The following F5 variants were observed in gnomAD, a reference collection of about 807,000 sequenced individuals.
F5 encodes coagulation factor V, also known as activated protein c cofactor.
F5 carries 138 observed loss-of-function variants against 216.4 expected under a neutral mutation model. The observed-to-expected ratio is 0.64, with a 90% confidence interval of 0.56 to 0.73. The LOEUF (loss-of-function observed/expected upper bound fraction) is 0.73. Ranked by LOEUF, F5 falls within the 30% of genes least tolerant of loss-of-function variation. The probability of loss-of-function intolerance (pLI) is 0.00; values close to 1 mark genes in which losing one functional copy is unlikely to be tolerated. For synonymous variants in F5, 916 were observed against 930.7 expected, an observed-to-expected ratio of 0.98 and a Z score of 0.29; for missense variants, 2,403 against 2,674.0, an observed-to-expected ratio of 0.90 and a Z score of 2.24.
At chr1:169,581,872 T>G (rs185282155) in intron 2 of F5, among the ~76,000 whole-genome samples, 2 of 152,046 alleles carry the variant, frequency 1.3e-5, no homozygotes, top group Non-Finnish European at 2.9e-5. Context: ...TGCAAAAGAG[T>G]CAGCCATACA....
At chr1:169,557,145 T>C (rs1660351761) in intron 5 of F5, among the ~76,000 whole-genome samples, 1 of 152,212 alleles carries the variant, frequency 6.6e-6, no homozygotes, top group African/African-American at 2.4e-5. Context: ...CAGGGATTGC[T>C]AAAGGATTAG....
At position 169,586,405 on chromosome 1, in the gene F5, G is replaced by T. The variant is rs535508497; in HGVS notation, c.-19C>A. 6.2e-6 allele frequency: 10 copies of T among 1,608,332 alleles called. No individual in the cohort carries two copies. In the East Asian group the frequency reaches 2.2e-4, roughly 36 times the overall value. ...GGAACATGCTTCCTTTCCTGCTCCC[G>T]CTGGCTGCCACCACCCCAGGACCTG... On this transcript the variant is annotated 5_prime_UTR_variant, in exon 1 of 25. Transcript: ENST00000367797.
In F5 at chr1:169,518,467, T is replaced by C; in HGVS notation, c.6290A>G (p.Glu2097Gly). ...FKKSWWGDYWEPFRARLNAQG... is the reference protein window; with the variant it reads ...FKKSWWGDYWGPFRARLNAQG... Reference sequence around the variant, plus strand: ...GGCATTCAGACGGGCACGGAAGGGTTCCCAGTAATCTCCCCACCAAGATTT... The same window carrying C: ...GGCATTCAGACGGGCACGGAAGGGTCCCCAGTAATCTCCCCACCAAGATTT... The change falls in exon 23 of 25, where the codon GAA (glutamate) becomes GGA (glycine). Residue 2097 changes from glutamate (E) to glycine (G), a missense_variant. By Grantham distance (98) the Glu-to-Gly change is moderately conservative. Coordinates refer to ENST00000367797, the MANE Select transcript of F5 (RefSeq NM_000130.5). 6.2e-7 allele frequency: 1 copy of C among 1,613,836 alleles called. No individual in the cohort carries two copies. Among genetic ancestry groups the C allele is most frequent in the Non-Finnish European group, 8.5e-7 (1 of 1,179,844 alleles).
intron 2 of F5, 139 bp downstream of exon 2, chr1:169,582,292 T>C (rs913376944): frequency 7.1e-5 from 37 of 518,860 alleles, no homozygotes; most frequent in Non-Finnish European, 1.1e-4. Flanking sequence ...GCCCCACATA[T>C]TATGTAGCCA....
Position 169,550,639 on chromosome 1 carries a change from C to T in F5, c.1396+1G>A. The T allele has an allele frequency of 6.2e-7, 1 of 1,611,372 alleles. No individual in the cohort carries two copies. Among genetic ancestry groups the T allele is most frequent in the Non-Finnish European group, 8.5e-7 (1 of 1,177,604 alleles). On this transcript the variant is annotated splice_donor_variant, in intron 9 of 24. Coordinates refer to ENST00000367797, the MANE Select transcript of F5 (RefSeq NM_000130.5). LOFTEE classifies it high-confidence loss of function. ...ATTCAGTAGAAGTGAAAGATTCAAA[C>T]CTGAGGTGAAAGAAGAGTTGACTTC...
At chr1:169,524,682 T>A (rs1169369748) in intron 19 of F5, among the ~76,000 whole-genome samples, 155 bp downstream of exon 19, 1 of 152,182 alleles carries the variant, frequency 6.6e-6, no homozygotes, top group African/African-American at 2.4e-5. Context: ...TTACCATATA[T>A]GTACCCCAAA....
intron 2 of F5, among the ~76,000 whole-genome samples, chr1:169,576,221 C>A (rs1660846497): frequency 6.6e-6 from 1 of 152,260 alleles, no homozygotes; most frequent in South Asian, 2.1e-4. Context: ...GTTGTTTTAG[C>A]CACTAAGTTT....
intron 3 of F5, 49 bp from the exon 4 acceptor site, chr1:169,560,815 C>G (rs758071946): frequency 7.7e-6 from 12 of 1,555,140 alleles, no homozygotes; most frequent in Non-Finnish European, 9.7e-6. Flanking sequence ...CTGAGGATTG[C>G]GTTTTCACCA....
At chr1:169,532,149 C>A (rs1057170655) in intron 14 of F5, among the ~76,000 whole-genome samples, 1 of 152,102 alleles carries the variant, frequency 6.6e-6, no homozygotes, top group Non-Finnish European at 1.5e-5. Context: ...ACCTAACATC[C>A]CTTCATGATA....
At chr1:169,537,461 AG>A (rs1300403899) in intron 13 of F5, among the ~76,000 whole-genome samples, 1 of 152,198 alleles carries the variant, frequency 6.6e-6, no homozygotes, top group Admixed American at 6.6e-5. Context: ...TCGAAAGTAC[AG>A]GCAACAAAAG....
intron 2 of F5, among the ~76,000 whole-genome samples, chr1:169,573,314 G>A (rs929471519): frequency 1.3e-5 from 2 of 152,142 alleles, no homozygotes; most frequent in African/African-American, 2.4e-5. Context: ...ATAGTATAAC[G>A]TGTATTAAAA....
At chr1:169,568,758 C>A (rs1190398281) in intron 3 of F5, among the ~76,000 whole-genome samples, 1 of 152,062 alleles carries the variant, frequency 6.6e-6, no homozygotes, top group African/African-American at 2.4e-5. Flanking sequence ...TAATTACTTG[C>A]CAAAGGCTCT....
At chr1:169,571,647 AAACCC>A (rs1377782495) in intron 3 of F5, among the ~76,000 whole-genome samples, 1 of 152,148 alleles carries the variant, frequency 6.6e-6, no homozygotes, top group Admixed American at 6.6e-5. Flanking sequence ...CTCATGGGCC[AAACCC>A]AACCAATTTC....
chr1:169,540,431 A>G lies in F5; in HGVS notation c.4659T>C (p.Asp1553=). ...YVPYDDPYKT[D]VRTNINSSRD... The stretch of plus-strand genomic sequence containing the variant: ...TGGAGGAGTTGATGTTTGTCCTAAC[A>G]TCAGTTTTGTAGGGGTCATCATAGG... The change falls in exon 13 of 25, where the codon GAT becomes GAC. Residue 1553 remains aspartate, a synonymous_variant. Transcript: ENST00000367797. The G allele has an allele frequency of 4.3e-6, 7 of 1,614,006 alleles. No individual in the cohort carries two copies. The highest frequency in any genetic ancestry group is 5.9e-6 in the Non-Finnish European group (7 of 1,179,944).
rs533114376 is a variant in F5 at position 169,558,398 on chromosome 1, C to T, written c.730+755G>A. Among the ~76,000 whole-genome samples, 13 of 152,252 alleles carry T rather than the reference C, an allele frequency of 8.5e-5. No individual in the cohort carries two copies. The East Asian group carries it at 2.5e-3, about 29-fold the overall frequency. On this transcript the variant is annotated intron_variant, in intron 5 of 24. Coordinates refer to ENST00000367797, the MANE Select transcript of F5 (RefSeq NM_000130.5). ...ACACTACCCAGATCTCAACTCTTAA[C>T]AATATTTGTGTTTTAGTAAGTGAAG...
At chr1:169,554,977 G>A (rs1660275417) in intron 7 of F5, among the ~76,000 whole-genome samples, 1 of 152,188 alleles carries the variant, frequency 6.6e-6, no homozygotes, top group Admixed American at 6.5e-5. Flanking sequence ...AAAGGTAGCT[G>A]CTGTTGTCAT....
chr1:169,565,028 C>A (rs761334788), intron 3 of F5, among the ~76,000 whole-genome samples: 2 of 152,024 alleles, frequency 1.3e-5, no homozygotes, highest in Non-Finnish European at 2.9e-5. Flanking sequence ...ACTATGGGCT[C>A]CTTGTCCCTT....
rs1389180171 is a variant in F5, at chr1:169,559,187, G to C, written c.696C>G (p.Tyr232Ter). Residue 232 changes from tyrosine (Y) to a stop codon, truncating the protein, a stop_gained, in exon 5 of 25, where the codon TAC becomes TAG. Coordinates refer to ENST00000367797, the MANE Select transcript of F5 (RefSeq NM_000130.5). LOFTEE classifies it high-confidence loss of function. The stretch of plus-strand genomic sequence containing the variant: ...TCCCATTCACATATCCATTGACTGT[G>C]TACATTAGGGATGATGACTGGCTCC... ...KSWSQSSSLM[Y>*]TVNGYVNGTM... 1 of 1,613,730 alleles carries C rather than the reference G, an allele frequency of 6.2e-7. No homozygotes were observed.
At chr1:169,568,797 C>T (rs1268083528) in intron 3 of F5, among the ~76,000 whole-genome samples, 1 of 152,098 alleles carries the variant, frequency 6.6e-6, no homozygotes, top group Non-Finnish European at 1.5e-5. Flanking sequence ...AAAAATGGTG[C>T]ATACAAGCTT....
Sources: gnomAD v4.1 joint callset for allele counts (sites outside exome capture counted in the v4.1 genomes callset) on GRCh38, gnomAD v4.1.1 for gene constraint, MANE v1.5 for transcripts, NCBI Gene and HGNC (gene_info 2026-07-23, HGNC 2026-07-21) for gene names.